RPH3AL: variants seen among roughly 807,000 people sequenced by gnomAD.
RPH3AL encodes rab effector Noc2.
In RPH3AL, 38 loss-of-function variants were observed where a neutral mutation model predicts 43.1. That is an observed-to-expected ratio of 0.88 (90% CI 0.68 to 1.15). The LOEUF is 1.15. Among genes scored for constraint, RPH3AL ranks in the 50% most tolerant of loss-of-function variants. The pLI, the probability that RPH3AL is intolerant of heterozygous loss-of-function variation, is 0.00. For missense variants in RPH3AL, 462 were observed against 423.2 expected, an observed-to-expected ratio of 1.09 and a Z score of -0.81; for synonymous variants, 189 against 176.3, an observed-to-expected ratio of 1.07 and a Z score of -0.57.
In RPH3AL at chr17:283,875, C is replaced by G. The variant is rs1290920845; in HGVS notation, c.352-2021G>C. Among the ~76,000 whole-genome samples the G allele has an allele frequency of 2.0e-5, 3 of 152,214 alleles. No individual in the cohort carries two copies. The highest frequency in any genetic ancestry group is 4.4e-5 in the Non-Finnish European group (3 of 68,036). On this transcript the variant is annotated intron_variant, in intron 5 of 9. Transcript: ENST00000331302. This position sits in a 1 kb window ranked among gnomAD's most constrained non-coding sequence, Gnocchi z 4.2. Reference sequence around the variant, plus strand: ...TTCGCTCCTAATGTTCCCACCTCTACAACAGGGTCCCCCATCAGCCTATGA... The same window carrying G: ...TTCGCTCCTAATGTTCCCACCTCTAGAACAGGGTCCCCCATCAGCCTATGA...
At chr17:301,582 G>C (rs2043329162) in intron 5 of RPH3AL, among the ~76,000 whole-genome samples, 1 of 152,136 alleles carries the variant, frequency 6.6e-6, no homozygotes, top group Non-Finnish European at 1.5e-5. Context: ...TGGGACTGCA[G>C]GGGCACAACC....
At chr17:238,046 G>A (rs1366098165) in intron 7 of RPH3AL, among the ~76,000 whole-genome samples, 1 of 152,072 alleles carries the variant, frequency 6.6e-6, no homozygotes, top group East Asian at 1.9e-4. Context: ...GGCAGAGGTG[G>A]GAGGATTGCT....
At chr17:345,797 C>A (rs1444387251) in intron 1 of RPH3AL, among the ~76,000 whole-genome samples, 1 of 130,682 alleles carries the variant, frequency 7.7e-6, no homozygotes, top group African/African-American at 2.6e-5. Context: ...TCTGCATGCA[C>A]ACCCTGCTGA....
intron 2 of RPH3AL, among the ~76,000 whole-genome samples, chr17:329,160 GA>G (rs540127017): frequency 6.0e-5 from 9 of 149,428 alleles, no homozygotes; most frequent in Admixed American, 4.0e-4. Flanking sequence ...CACAGACCAT[GA>G]AAAAAAAAAT....
At chr17:334,228 G>A (rs115321582) in intron 1 of RPH3AL, among the ~76,000 whole-genome samples, 24 of 152,342 alleles carry the variant, frequency 1.6e-4, no homozygotes, top group African/African-American at 5.5e-4. Flanking sequence ...CAGGAGAACC[G>A]CGGCTCGACC....
At chr17:315,335 C>G in intron 5 of RPH3AL, among the ~76,000 whole-genome samples, 1 of 152,206 alleles carries the variant, frequency 6.6e-6, no homozygotes, top group East Asian at 1.9e-4. Flanking sequence ...CTCCACTGAC[C>G]TGTAGTCCCT....
At chr17:253,545 A>C (rs1461076714) in intron 6 of RPH3AL, among the ~76,000 whole-genome samples, 3 of 152,264 alleles carry the variant, frequency 2.0e-5, no homozygotes, top group Non-Finnish European at 2.9e-5. Flanking sequence ...AGTATTCATA[A>C]CATCAAACGT....
At chr17:296,879 C>T (rs34927789) in intron 5 of RPH3AL, among the ~76,000 whole-genome samples, 14,197 of 152,228 alleles carry the variant, frequency 0.093, 715 homozygotes, top group Middle Eastern at 0.16. Context: ...CCACCAGCTC[C>T]GCTCAGGAGG....
At chr17:325,182 T>C (rs1160299477) in intron 3 of RPH3AL, among the ~76,000 whole-genome samples, 1 of 152,138 alleles carries the variant, frequency 6.6e-6, no homozygotes, top group African/African-American at 2.4e-5. Flanking sequence ...AAGACTTCTT[T>C]ACACATGACC....
intron 5 of RPH3AL, among the ~76,000 whole-genome samples, chr17:319,181 T>A (rs967974588): frequency 6.6e-6 from 1 of 152,212 alleles, no homozygotes; most frequent in Non-Finnish European, 1.5e-5. Flanking sequence ...CTGGGTCTCG[T>A]GGCTCGGGTG....
At chr17:295,318 A>T (rs375867221) in intron 5 of RPH3AL, among the ~76,000 whole-genome samples, 18 of 142,496 alleles carry the variant, frequency 1.3e-4, no homozygotes, top group South Asian at 2.3e-4. Flanking sequence ...GGGAATGCAC[A>T]TCAGTGTGGG....
intron 5 of RPH3AL, among the ~76,000 whole-genome samples, chr17:302,374 G>A (rs1371756622): frequency 6.6e-6 from 1 of 152,158 alleles, no homozygotes; most frequent in African/African-American, 2.4e-5. Flanking sequence ...GAGTCACCCC[G>A]CCCCACCCAC....
At chr17:253,277 G>C (rs1476523777) in intron 6 of RPH3AL, among the ~76,000 whole-genome samples, 4 of 152,144 alleles carry the variant, frequency 2.6e-5, no homozygotes, top group Non-Finnish European at 5.9e-5. Flanking sequence ...TGTTTAACGG[G>C]GAGTGGCCAG....
chr17:283,643 C>T lies in RPH3AL; in HGVS notation c.352-1789G>A, dbSNP rs1456114539. 2.0e-5 allele frequency among the ~76,000 whole-genome samples: 3 copies of T among 152,078 alleles called. No individual in the cohort carries two copies. Among genetic ancestry groups the T allele is most frequent in the Non-Finnish European group, 2.9e-5 (2 of 68,004 alleles). ...CTCCTCACTGCTGGCCTTCTTGCTT[C>T]CCAAGCTCTCATGACCCCATGAGAG... On this transcript the variant is annotated intron_variant, in intron 5 of 9. Transcript: ENST00000331302. The surrounding 1 kb of genome is among the most constrained non-coding windows in gnomAD (Gnocchi z 4.2).
chr17:247,161 T>A lies in RPH3AL; in HGVS notation c.563A>T (p.Glu188Val). ...GCGGCTGGTCTCAGAGCTTCTGGGC[T>A]CTCGCTCTGCCGGTTCCGTGGGCAA... ...RPLPTEPAER[E>V]PRSSETSRIY... Residue 188 changes from glutamate (E) to valine (V), a missense_variant, in exon 7 of 10, where the codon GAG (glutamate) becomes GTG (valine). By Grantham distance (121) the Glu-to-Val change is moderately radical. Transcript: ENST00000331302. 1 of 1,610,666 alleles carries A rather than the reference T, an allele frequency of 6.2e-7. No homozygotes were observed.
chr17:218,222 A>AC (rs2040858897), intron 8 of RPH3AL, among the ~76,000 whole-genome samples: 1 of 137,344 alleles, frequency 7.3e-6, no homozygotes, highest in East Asian at 2.3e-4. Context: ...TGAAATCAGG[A>AC]CCCCCAAGGC....
intron 5 of RPH3AL, among the ~76,000 whole-genome samples, chr17:314,132 C>G (rs569442097): frequency 6.6e-6 from 1 of 152,194 alleles, no homozygotes; most frequent in Non-Finnish European, 1.5e-5. Context: ...CTGTACTAAC[C>G]GTTGCACAGC....
intron 5 of RPH3AL, among the ~76,000 whole-genome samples, chr17:305,457 C>A (rs935764302): frequency 6.6e-6 from 1 of 152,098 alleles, no homozygotes; most frequent in African/African-American, 2.4e-5. Flanking sequence ...AACCTCCTAG[C>A]CCCTGACGTC....
At chr17:302,560 G>A (rs916445614) in intron 5 of RPH3AL, among the ~76,000 whole-genome samples, 2 of 151,992 alleles carry the variant, frequency 1.3e-5, no homozygotes, top group African/African-American at 2.4e-5. Context: ...GGAGAGATTC[G>A]GACCCCAGGA....
Sources: gnomAD v4.1 joint callset for allele counts (sites outside exome capture counted in the v4.1 genomes callset) on GRCh38, gnomAD v4.1.1 for gene constraint, Gnocchi (gnomAD v3.1) non-coding constraint, MANE v1.5 for transcripts, NCBI Gene and HGNC (gene_info 2026-07-23, HGNC 2026-07-21) for gene names.